Variants in RAPGEF5 observed in about 807,000 individuals in gnomAD.
RAPGEF5 encodes Rap guanine nucleotide exchange factor 5.
A neutral mutation model predicts 125.2 loss-of-function variants in RAPGEF5; 65 were observed. The ratio of observed to expected loss-of-function variants is 0.52; its 90% CI spans 0.43 to 0.64. RAPGEF5 has a LOEUF of 0.64. Ranked by LOEUF, RAPGEF5 falls within the 30% of genes least tolerant of loss-of-function variation. RAPGEF5 has a pLI of 0.00. For synonymous variants in RAPGEF5, 391 were observed against 385.9 expected (o/e 1.01, Z -0.16); for missense variants, 958 against 1,048.1 (o/e 0.91, Z 1.19).
At chr7:22,339,338 G>C (rs61623918) in intron 1 of RAPGEF5, among the ~76,000 whole-genome samples, 33,448 of 152,186 alleles carry the variant, frequency 0.22, 4,017 homozygotes, top group South Asian at 0.28. Flanking sequence ...GAGGCAAGAA[G>C]TGAGGTTGCT....
chr7:22,249,404 G>A (rs1406806222), intron 7 of RAPGEF5, among the ~76,000 whole-genome samples: 1 of 151,914 alleles, frequency 6.6e-6, no homozygotes, highest in Non-Finnish European at 1.5e-5. Context: ...TGGCCAGGCT[G>A]GTCTCAAACC....
chr7:22,305,347 TA>T (rs1298017542), intron 5 of RAPGEF5, among the ~76,000 whole-genome samples: 1 of 152,210 alleles, frequency 6.6e-6, no homozygotes, highest in Non-Finnish European at 1.5e-5. Context: ...CTTATTCTCC[TA>T]AAAACAGTCC....
intron 1 of RAPGEF5, among the ~76,000 whole-genome samples, chr7:22,355,267 G>A (rs940918113): frequency 2.0e-5 from 3 of 152,086 alleles, no homozygotes; most frequent in Non-Finnish European, 2.9e-5. Context: ...CAAGGTATAC[G>A]ACACCCTCCC....
intron 1 of RAPGEF5, among the ~76,000 whole-genome samples, chr7:22,343,906 A>G (rs1042436224): frequency 6.6e-6 from 1 of 152,170 alleles, no homozygotes; most frequent in Non-Finnish European, 1.5e-5. Flanking sequence ...GTCTGCGGAA[A>G]AAAAAAAGCA....
intron 7 of RAPGEF5, among the ~76,000 whole-genome samples, chr7:22,263,760 GA>G (rs1782217079): frequency 6.8e-6 from 1 of 147,962 alleles, no homozygotes; most frequent in South Asian, 2.1e-4. Flanking sequence ...AAAAGAAAAA[GA>G]AAAAAGAAAA....
intron 3 of RAPGEF5, among the ~76,000 whole-genome samples, chr7:22,312,629 A>G (rs975877306): frequency 2.6e-5 from 4 of 152,214 alleles, no homozygotes; most frequent in Admixed American, 6.5e-5. Flanking sequence ...GCTCTGACTC[A>G]ATATGCTAGA....
In RAPGEF5 at chr7:22,194,098, G is replaced by T. The variant is rs1176746339; in HGVS notation, c.997-65C>A. On this transcript the variant is annotated intron_variant, in intron 9 of 25. Coordinates refer to ENST00000665637, the MANE Select transcript of RAPGEF5 (RefSeq NM_012294.5). ...AAGAGAGAGAAAATTAAAAGTGGGG[G>T]GAAAATGGAGCTAACTCAAGCTGTA... 9 of 1,360,572 alleles carry T rather than the reference G, an allele frequency of 6.6e-6. No homozygotes were observed. In the East Asian group the frequency reaches 1.4e-4, roughly 21 times the overall value. The allele number at this position is 1,360,572 out of a possible 1,614,324, so 84.3% of individuals were successfully genotyped here. A position where few individuals can be genotyped will look rare whatever the true frequency, so the allele number is the denominator to read the frequency against.
chr7:22,234,113 T>C (rs1786127520), intron 7 of RAPGEF5, among the ~76,000 whole-genome samples: 1 of 152,236 alleles, frequency 6.6e-6, no homozygotes, highest in Admixed American at 6.5e-5. Context: ...AGTGTATTTA[T>C]CCTAGACAAG....
chr7:22,178,785 A>C (rs78721608), intron 11 of RAPGEF5, among the ~76,000 whole-genome samples: 4,211 of 152,224 alleles, frequency 0.028, 81 homozygotes, highest in Admixed American at 0.04. Flanking sequence ...GATTGATTAA[A>C]TCATGGACCA....
intron 9 of RAPGEF5, among the ~76,000 whole-genome samples, chr7:22,213,218 A>G (rs1785550837): frequency 6.6e-6 from 1 of 152,256 alleles, no homozygotes; most frequent in South Asian, 2.1e-4. Context: ...GCTAATGAGC[A>G]GATGGTTCCA....
At chr7:22,177,008 T>C (rs1211688089) in intron 11 of RAPGEF5, among the ~76,000 whole-genome samples, 1 of 152,232 alleles carries the variant, frequency 6.6e-6, no homozygotes, top group African/African-American at 2.4e-5. Context: ...CTGTTATTAG[T>C]GTTCTTTTCA....
intron 21 of RAPGEF5, 176 bp downstream of exon 21, chr7:22,139,849 A>T (rs1051767089): frequency 7.2e-6 from 4 of 552,454 alleles, no homozygotes; most frequent in Non-Finnish European, 1.3e-5. Flanking sequence ...TACCATTTTT[A>T]TCTAGTTCAG....
chr7:22,132,181 C>T (rs1782933151), intron 23 of RAPGEF5, among the ~76,000 whole-genome samples: 1 of 152,070 alleles, frequency 6.6e-6, no homozygotes, highest in Non-Finnish European at 1.5e-5. Flanking sequence ...TTCTGCTGGT[C>T]CCTATGGGGT....
chr7:22,197,452 G>T (rs1413362618), intron 9 of RAPGEF5, among the ~76,000 whole-genome samples: 1 of 152,200 alleles, frequency 6.6e-6, no homozygotes, highest in Non-Finnish European at 1.5e-5. Context: ...ATTAACTGAA[G>T]ATGTTAACTG....
chr7:22,301,315 G>A (rs572073058), intron 5 of RAPGEF5, among the ~76,000 whole-genome samples: 1 of 151,958 alleles, frequency 6.6e-6, no homozygotes, highest in African/African-American at 2.4e-5. Flanking sequence ...AAGGTTTGCA[G>A]CAAAAAAATT....
intron 14 of RAPGEF5, among the ~76,000 whole-genome samples, chr7:22,159,521 T>A (rs1783916506): frequency 6.6e-6 from 1 of 152,228 alleles, no homozygotes; most frequent in African/African-American, 2.4e-5. Context: ...TGTATGTACT[T>A]TATGTTTACG....
chr7:22,345,773 AAAG>A (rs1018457177), intron 1 of RAPGEF5, among the ~76,000 whole-genome samples: 4 of 151,752 alleles, frequency 2.6e-5, no homozygotes, highest in African/African-American at 9.7e-5. Context: ...ACAGTACCCA[AAAG>A]AAGAGAAAAC....
chr7:22,238,852 C>A (rs570238221), intron 7 of RAPGEF5, among the ~76,000 whole-genome samples: 1 of 152,080 alleles, frequency 6.6e-6, no homozygotes. Context: ...ATAGTTTGCA[C>A]AGAATTATAC....
intron 12 of RAPGEF5, among the ~76,000 whole-genome samples, chr7:22,166,847 G>A (rs1784182432): frequency 1.3e-5 from 2 of 152,204 alleles, no homozygotes; most frequent in Non-Finnish European, 2.9e-5. Flanking sequence ...AATATAAACA[G>A]TGTAATATAG....
Sources: gnomAD v4.1 joint callset for allele counts (sites outside exome capture counted in the v4.1 genomes callset) on GRCh38, gnomAD v4.1.1 for gene constraint, MANE v1.5 for transcripts, NCBI Gene and HGNC (gene_info 2026-07-23, HGNC 2026-07-21) for gene names.